MANEA: variants seen among roughly 807,000 people sequenced by gnomAD.
MANEA encodes glycoprotein endo-alpha-1,2-mannosidase.
A neutral mutation model predicts 36.8 loss-of-function variants in MANEA; 25 were observed. The observed-to-expected ratio is 0.68, with a 90% CI of 0.50 to 0.95. The LOEUF is 0.95. MANEA is among the 40% of genes least tolerant of loss of function. The probability of loss-of-function intolerance (pLI) is 0.00; values close to 1 mark genes in which losing one functional copy is unlikely to be tolerated. For missense variants in MANEA, 565 were observed against 558.8 expected, an observed-to-expected ratio of 1.01 and a Z score of -0.11; for synonymous variants, 198 against 188.5, an observed-to-expected ratio of 1.05 and a Z score of -0.41.
In MANEA at chr6:95,586,875, C is replaced by T. The variant is rs1310995783; in HGVS notation, c.436C>T (p.Pro146Ser). 6.2e-7 allele frequency: 1 copy of T among 1,613,184 alleles called. No individual in the cohort carries two copies. The highest frequency in any genetic ancestry group is 1.1e-5 in the South Asian group (1 of 91,062). The stretch of plus-strand genomic sequence containing the variant: ...GAATTATCCACAAGGGAGACACAAC[C>T]CTCCAGATGACATTGGCTCCAGCTT... ...AKNYPQGRHN[P>S]PDDIGSSFYP... Residue 146 changes from proline to serine, a missense_variant, in exon 2 of 5, where the codon CCT (proline) becomes TCT (serine). Physicochemically the swap from Pro to Ser is moderately conservative, Grantham distance 74. Transcript: ENST00000358812.
intron 2 of MANEA, among the ~76,000 whole-genome samples, chr6:95,589,283 A>G (rs1178749509): frequency 1.3e-5 from 2 of 152,184 alleles, no homozygotes; most frequent in Non-Finnish European, 2.9e-5. Context: ...ATTGAAGAAG[A>G]TAGTAAATGA....
chr6:95,577,882 C>T (rs904389017), intron 1 of MANEA, among the ~76,000 whole-genome samples: 3 of 152,240 alleles, frequency 2.0e-5, no homozygotes, highest in African/African-American at 7.2e-5. Flanking sequence ...GTTAGTTTTA[C>T]TGCCTTTTAC....
chr6:95,590,130 A>G (rs955613698), intron 2 of MANEA: 6 of 152,310 alleles, frequency 3.9e-5, no homozygotes, highest in South Asian at 2.1e-4. Flanking sequence ...TGATCTTAGC[A>G]TATTAAGACC....
At chr6:95,596,873 C>CA in intron 3 of MANEA, 27 bp downstream of exon 3, 1 of 1,180,622 alleles carries the variant, frequency 8.5e-7, no homozygotes, top group Non-Finnish European at 1.3e-6. Context: ...TCAAGCTATA[C>CA]ATAAGTTAAT....
chr6:95,593,349 G>A (rs1407310867), intron 2 of MANEA, among the ~76,000 whole-genome samples: 1 of 152,148 alleles, frequency 6.6e-6, no homozygotes, highest in Non-Finnish European at 1.5e-5. Flanking sequence ...ATGCAATAAA[G>A]AAGCTGAAAT....
In MANEA at chr6:95,605,751, T is replaced by G. The variant is rs1038005375; in HGVS notation, c.735T>G (p.Tyr245Ter). 1.2e-6 allele frequency: 2 copies of G among 1,601,994 alleles called. No individual in the cohort carries two copies. Among genetic ancestry groups the G allele is most frequent in the Non-Finnish European group, 1.7e-6 (2 of 1,171,780 alleles). ...YKNVKYIIDK[Y>*]GNHPAFYRYK... is the part of the protein sequence containing the mutation. ...TTTATATATGCTTATTTTCTAGATATGGAAATCATCCGGCCTTTTACAGGT... is the reference window on the plus strand; with the variant it reads ...TTTATATATGCTTATTTTCTAGATAGGGAAATCATCCGGCCTTTTACAGGT... Residue 245 changes from tyrosine to a stop codon, truncating the protein, a stop_gained, in exon 5 of 5, where the codon TAT (tyrosine) becomes TAG (stop). Transcript: ENST00000358812. LOFTEE classifies it high-confidence loss of function.
rs770837820 is a variant in MANEA, at chr6:95,605,762, C to T, written c.746C>T (p.Pro249Leu). 29 of 1,605,740 alleles carry T rather than the reference C, an allele frequency of 1.8e-5. No individual in the cohort carries two copies. The highest frequency in any genetic ancestry group is 1.0e-4 in the Admixed American group (6 of 59,458). The change falls in exon 5 of 5, where the codon CCG becomes CTG. Residue 249 changes from proline (P) to leucine (L), a missense_variant. Transcript: ENST00000358812. ...TTATTTTCTAGATATGGAAATCATC[C>T]GGCCTTTTACAGGTACAAGACGAAG... ...KYIIDKYGNH[P>L]AFYRYKTKTG...
In MANEA at chr6:95,607,800, T is replaced by G. The variant is rs1441325752; in HGVS notation, c.*1395T>G. 1 of 151,694 alleles carries G rather than the reference T, an allele frequency of 6.6e-6. No individual in the cohort carries two copies. Among genetic ancestry groups the G allele is most frequent in the East Asian group, 1.9e-4 (1 of 5,190 alleles). The allele number at this position is 151,694 out of a possible 1,614,324, so 9.4% of individuals were successfully genotyped here. On this transcript the variant is annotated 3_prime_UTR_variant, in exon 5 of 5. Coordinates refer to ENST00000358812, the MANE Select transcript of MANEA (RefSeq NM_024641.4). ...TATATATCCTATTACATAAATGTTATTTCTTAGGTGTTCCATTAAGAAGAG... is the reference window on the plus strand; with the variant it reads ...TATATATCCTATTACATAAATGTTAGTTCTTAGGTGTTCCATTAAGAAGAG...
intron 1 of MANEA, among the ~76,000 whole-genome samples, chr6:95,578,435 A>T: frequency 6.6e-6 from 1 of 152,184 alleles, no homozygotes; most frequent in Non-Finnish European, 1.5e-5. Flanking sequence ...AATAAGAAAA[A>T]TGGGACTGGA....
intron 1 of MANEA, among the ~76,000 whole-genome samples, chr6:95,579,216 T>C (rs1162197274): frequency 2.6e-5 from 4 of 152,018 alleles, no homozygotes; most frequent in Non-Finnish European, 5.9e-5. Context: ...CTACTAAAAA[T>C]ACAAAAATTA....
chr6:95,585,550 A>C (rs1237801418), intron 1 of MANEA, among the ~76,000 whole-genome samples: 3 of 152,200 alleles, frequency 2.0e-5, no homozygotes, highest in Non-Finnish European at 4.4e-5. Context: ...GCTGAACTCA[A>C]GTGATCTTCC....
At chr6:95,580,823 G>A (rs1042199201) in intron 1 of MANEA, among the ~76,000 whole-genome samples, 1 of 151,866 alleles carries the variant, frequency 6.6e-6, no homozygotes, top group Non-Finnish European at 1.5e-5. Context: ...AATTAGGAGA[G>A]GTATCAAGAA....
chr6:95,582,757 A>G (rs1345791046), intron 1 of MANEA, among the ~76,000 whole-genome samples: 1 of 152,154 alleles, frequency 6.6e-6, no homozygotes, highest in Non-Finnish European at 1.5e-5. Context: ...TACTTATTAT[A>G]CGTTGCATTG....
intron 2 of MANEA, among the ~76,000 whole-genome samples, chr6:95,594,476 T>C (rs1478823881): frequency 6.6e-6 from 1 of 152,174 alleles, no homozygotes; most frequent in African/African-American, 2.4e-5. Context: ...GTAAGTGCTT[T>C]TTATCTTTTT....
chr6:95,603,183 T>A (rs1170151879), intron 3 of MANEA, among the ~76,000 whole-genome samples: 3 of 152,066 alleles, frequency 2.0e-5, no homozygotes, highest in East Asian at 1.9e-4. Context: ...GCATGCTATT[T>A]GTTGTTTGCA....
intron 3 of MANEA, among the ~76,000 whole-genome samples, chr6:95,600,415 C>G (rs558806961): frequency 5.3e-5 from 8 of 152,174 alleles, no homozygotes; most frequent in African/African-American, 1.9e-4. Flanking sequence ...TTGGCTTATC[C>G]CCTTCATTTG....
intron 4 of MANEA, 42 bp from the exon 5 acceptor site, chr6:95,605,706 T>A: frequency 6.8e-7 from 1 of 1,472,630 alleles, no homozygotes; most frequent in Non-Finnish European, 9.4e-7. Context: ...GGCAAATTAG[T>A]TGTGAATATT....
chr6:95,602,795 T>G (rs961339327), intron 3 of MANEA, among the ~76,000 whole-genome samples: 1 of 143,962 alleles, frequency 6.9e-6, no homozygotes, highest in African/African-American at 2.6e-5. Flanking sequence ...CCGAGGCGGG[T>G]GGATCATGAG....
At chr6:95,587,299 T>C (rs9374586) in intron 2 of MANEA, 184,642 of 302,378 alleles carry the variant, frequency 0.61, 57,295 homozygotes, top group East Asian at 0.81. Flanking sequence ...TTTAAGTTTA[T>C]AGCTCATTGA....
Sources: gnomAD v4.1 joint callset for allele counts (sites outside exome capture counted in the v4.1 genomes callset) on GRCh38, gnomAD v4.1.1 for gene constraint, MANE v1.5 for transcripts, NCBI Gene and HGNC (gene_info 2026-07-23, HGNC 2026-07-21) for gene names.